Variants in PDE3A observed in about 807,000 individuals in gnomAD.
PDE3A encodes cGMP-inhibited 3',5'-cyclic phosphodiesterase 3A.
A neutral mutation model predicts 98.3 loss-of-function variants in PDE3A; 43 were observed. The ratio of observed to expected loss-of-function variants is 0.44; its 90% CI spans 0.34 to 0.56. The LOEUF (loss-of-function observed/expected upper bound fraction) is 0.56. Among genes scored for constraint, PDE3A ranks in the 20% least tolerant of loss-of-function variants. The pLI is 0.01. For synonymous variants in PDE3A, 663 were observed against 567.9 expected, an observed-to-expected ratio of 1.17 and a Z score of -2.38; for missense variants, 1,427 against 1,440.7, an observed-to-expected ratio of 0.99 and a Z score of 0.15.
At chr12:20,554,974 TATATC>T (rs952163088) in intron 1 of PDE3A, among the ~76,000 whole-genome samples, 5 of 152,338 alleles carry the variant, frequency 3.3e-5, no homozygotes, top group African/African-American at 1.2e-4. Flanking sequence ...AGTTTTATAA[TATATC>T]TTAATAACCA....
chr12:20,604,311 C>A (rs1330819013), intron 2 of PDE3A, among the ~76,000 whole-genome samples: 4 of 152,098 alleles, frequency 2.6e-5, no homozygotes, highest in Non-Finnish European at 5.9e-5. Flanking sequence ...AGCAGTCTAA[C>A]TTCGGTTCTT....
intron 1 of PDE3A, among the ~76,000 whole-genome samples, chr12:20,455,088 A>G (rs911042556): frequency 6.6e-6 from 1 of 152,138 alleles, no homozygotes; most frequent in African/African-American, 2.4e-5. Flanking sequence ...AACAGTGTAT[A>G]AGCGTTTCTT....
intron 1 of PDE3A, among the ~76,000 whole-genome samples, chr12:20,402,768 C>T (rs1281341764): frequency 6.6e-6 from 1 of 151,892 alleles, no homozygotes; most frequent in Non-Finnish European, 1.5e-5. Flanking sequence ...TTTTCTAATG[C>T]CTGGCTGAAA....
chr12:20,629,182 T>C (rs11045347), intron 5 of PDE3A, among the ~76,000 whole-genome samples: 87,876 of 151,788 alleles, frequency 0.58, 26,050 homozygotes, highest in South Asian at 0.66. Context: ...AACAGCCACG[T>C]TTTGAAATCT....
At chr12:20,632,541 C>T (rs1944404502) in intron 6 of PDE3A, among the ~76,000 whole-genome samples, 1 of 152,174 alleles carries the variant, frequency 6.6e-6, no homozygotes, top group Middle Eastern at 3.2e-3. Flanking sequence ...AGTTTCTAAA[C>T]AAGACAGAAG....
intron 1 of PDE3A, among the ~76,000 whole-genome samples, chr12:20,527,153 A>G (rs769486115): frequency 1.6e-4 from 25 of 152,044 alleles, no homozygotes; most frequent in African/African-American, 5.8e-4. Flanking sequence ...TCCTGAGCTC[A>G]GGTGATCTGC....
chr12:20,582,001 A>G (rs889392271), intron 2 of PDE3A, among the ~76,000 whole-genome samples: 1 of 152,184 alleles, frequency 6.6e-6, no homozygotes, highest in Non-Finnish European at 1.5e-5. Context: ...ATTTAATTCT[A>G]CGTTCTAAAA....
intron 1 of PDE3A, among the ~76,000 whole-genome samples, chr12:20,385,950 TATTA>T (rs1326854189): frequency 3.9e-5 from 5 of 126,956 alleles, no homozygotes; most frequent in Non-Finnish European, 4.7e-5. Flanking sequence ...CAAAGTATTA[TATTA>T]ATTATTAATT....
intron 1 of PDE3A, among the ~76,000 whole-genome samples, chr12:20,483,513 A>C (rs948300549): frequency 7.9e-5 from 12 of 152,232 alleles, no homozygotes; most frequent in African/African-American, 2.9e-4. Context: ...CTTTGAGAAT[A>C]ACCCAGTATC....
intron 1 of PDE3A, among the ~76,000 whole-genome samples, chr12:20,542,084 A>G (rs1941928326): frequency 6.6e-6 from 1 of 152,042 alleles, no homozygotes; most frequent in South Asian, 2.1e-4. Flanking sequence ...CCCAAAGTCT[A>G]GCTGATTGGG....
intron 1 of PDE3A, among the ~76,000 whole-genome samples, chr12:20,445,378 C>A (rs1944937395): frequency 6.6e-6 from 1 of 152,016 alleles, no homozygotes; most frequent in Admixed American, 6.5e-5. Flanking sequence ...CTCATTTTCC[C>A]CCTTTTTGGA....
At position 20,369,893 on chromosome 12, in the gene PDE3A, G is replaced by T. The variant is rs1943432491; in HGVS notation, c.609G>T (p.Trp203Cys). ...VVLSCLAAAT[W>C]LVLRLRLGVL... ...TCAGCTGCTTGGCCGCCGCGACATG[G>T]CTGGTGCTGAGGCTGAGGCTGGGCG... is the stretch of plus-strand genomic sequence containing the variant. The change falls in exon 1 of 16, where the codon TGG becomes TGT. Residue 203 changes from tryptophan to cysteine, a missense_variant. Trp to Cys is a radical substitution (Grantham distance 215). This residue lies in a region of PDE3A where 1,012 missense variants were observed against 886.5 expected (regional missense o/e 1.14). Coordinates refer to ENST00000359062, the MANE Select transcript of PDE3A (RefSeq NM_000921.5). 2 of 1,613,330 alleles carry T rather than the reference G, an allele frequency of 1.2e-6. No homozygotes were observed. The highest frequency in any genetic ancestry group is 1.7e-6 in the Non-Finnish European group (2 of 1,179,870).
At chr12:20,496,541 A>C (rs1945922441) in intron 1 of PDE3A, among the ~76,000 whole-genome samples, 2 of 148,356 alleles carry the variant, frequency 1.3e-5, no homozygotes, top group African/African-American at 5.0e-5. Context: ...ACCCCGCAAC[A>C]CCCCGAATTC....
At chr12:20,430,596 A>T (rs1944678979) in intron 1 of PDE3A, among the ~76,000 whole-genome samples, 1 of 152,186 alleles carries the variant, frequency 6.6e-6, no homozygotes, top group Non-Finnish European at 1.5e-5. Context: ...AATGTAAAAC[A>T]CTGCCCTGAA....
intron 2 of PDE3A, among the ~76,000 whole-genome samples, chr12:20,594,684 T>G (rs992180667): frequency 1.3e-5 from 2 of 152,220 alleles, no homozygotes; most frequent in Admixed American, 1.3e-4. Context: ...GCATTTTGAT[T>G]ATTAATTTGC....
intron 1 of PDE3A, among the ~76,000 whole-genome samples, chr12:20,507,404 A>G (rs1398086340): frequency 6.6e-6 from 1 of 152,082 alleles, no homozygotes; most frequent in Non-Finnish European, 1.5e-5. Context: ...AGTACATGAC[A>G]TTGTGTATGG....
chr12:20,654,302 G>A, intron 15 of PDE3A, 97 bp downstream of exon 15: 2 of 1,156,102 alleles, frequency 1.7e-6, no homozygotes, highest in Non-Finnish European at 1.2e-6. Flanking sequence ...AATACTTCAA[G>A]TCTAAACATC....
At position 20,680,516 on chromosome 12, in the gene PDE3A, ATG is replaced by A. The variant is rs927762344; in HGVS notation, c.*255_*256del. 8.6e-6 allele frequency: 4 copies of A among 464,272 alleles called. No homozygotes were observed. The highest frequency in any genetic ancestry group is 2.7e-5 in the South Asian group (1 of 37,600). 28.8% of individuals were successfully genotyped at this position (464,272 alleles called of 1,614,324 possible). ...AGGATTTTTTAAGGAGGGAATATATATGTGTGTGTGTATATAAGCTCCCACAT... is the reference window on the plus strand; with the variant it reads ...AGGATTTTTTAAGGAGGGAATATATATGTGTGTGTATATAAGCTCCCACAT... On this transcript the variant is annotated 3_prime_UTR_variant, in exon 16 of 16. Coordinates refer to ENST00000359062, the MANE Select transcript of PDE3A (RefSeq NM_000921.5).
rs935425449 is a variant in PDE3A, at chr12:20,602,095, G to A, written c.1012-11348G>A. 2.0e-5 allele frequency among the ~76,000 whole-genome samples: 3 copies of A among 152,118 alleles called. No homozygotes were observed. In the South Asian group the frequency reaches 6.2e-4, roughly 32 times the overall value. On this transcript the variant is annotated intron_variant, in intron 2 of 15. Coordinates refer to ENST00000359062, the MANE Select transcript of PDE3A (RefSeq NM_000921.5). ...TCCAGTTAAGTTCTCTTTGCTTCCT[G>A]TTTCTTCCAACAACAGAAATAATAA...
Sources: allele counts gnomAD v4.1 joint callset (sites outside exome capture counted in the v4.1 genomes callset), GRCh38; gene constraint gnomAD v4.1.1; regional missense constraint gnomAD v4.1.1; transcripts MANE v1.5; gene names NCBI Gene and HGNC (gene_info 2026-07-23, HGNC 2026-07-21).